The following SLC27A6 variants were observed in gnomAD, a reference collection of about 807,000 sequenced individuals.
SLC27A6 encodes long-chain fatty acid transport protein 6.
In SLC27A6, 74 loss-of-function variants were observed where a neutral mutation model predicts 63.9. The observed-to-expected ratio is 1.16, with a 90% CI of 0.96 to 1.40. The LOEUF (loss-of-function observed/expected upper bound fraction) is 1.40. Among genes scored for constraint, SLC27A6 ranks in the 40% most tolerant of loss-of-function variants. The probability of loss-of-function intolerance (pLI) is 0.00; values close to 1 mark genes in which losing one functional copy is unlikely to be tolerated. For synonymous variants in SLC27A6, 287 were observed against 260.8 expected (o/e 1.10, Z -0.97); for missense variants, 794 against 732.9 (o/e 1.08, Z -0.96).
chr5:128,969,298 A>G (rs1268298365), intron 1 of SLC27A6, among the ~76,000 whole-genome samples: 1 of 151,974 alleles, frequency 6.6e-6, no homozygotes, highest in Admixed American at 6.6e-5. Flanking sequence ...CAATTCTGTG[A>G]AGAAAGTCAT....
Position 128,966,552 on chromosome 5 carries a change from AT to A in SLC27A6, c.417del (p.Arg140AlafsTer6). 1 of 1,577,348 alleles carries A rather than the reference AT, an allele frequency of 6.3e-7. No individual in the cohort carries two copies. The highest frequency in any genetic ancestry group is 8.6e-7 in the Non-Finnish European group (1 of 1,166,032). On this transcript the variant is annotated frameshift_variant, in exon 1 of 10. Transcript: ENST00000262462. LOFTEE classifies it high-confidence loss of function. ...GCVVAFLNTN[I>X]RSNSLLNCIR... is the part of the protein sequence containing the mutation. ...CGTGGTGGCCTTTCTCAACACCAAC[AT>A]TCGCTCCAACTCCCTCCTGAATTGC...
chr5:129,005,993 C>T lies in SLC27A6; in HGVS notation c.970-9892C>T, dbSNP rs576777888. On this transcript the variant is annotated intron_variant, in intron 4 of 9. Transcript: ENST00000262462. ...TTGGGCCCCTGCAGGCTGTAGTTTGCCAATACCTAATTTAGACTTTATGAT... is the reference window on the plus strand; with the variant it reads ...TTGGGCCCCTGCAGGCTGTAGTTTGTCAATACCTAATTTAGACTTTATGAT... Among the ~76,000 whole-genome samples, 64 of 150,754 alleles carry T rather than the reference C, an allele frequency of 4.2e-4. 1 individual carries two copies. Among genetic ancestry groups the T allele is most frequent in the Non-Finnish European group, 8.7e-4 (59 of 67,858 alleles).
intron 1 of SLC27A6, among the ~76,000 whole-genome samples, chr5:128,967,682 A>C (rs1047543734): frequency 1.4e-4 from 22 of 152,194 alleles, no homozygotes; most frequent in Admixed American, 7.9e-4. Flanking sequence ...TAGCCCTTCA[A>C]GGCTATCACT....
intron 4 of SLC27A6, among the ~76,000 whole-genome samples, chr5:129,013,421 G>T (rs1751790688): frequency 1.3e-5 from 2 of 152,036 alleles, no homozygotes; most frequent in African/African-American, 4.8e-5. Flanking sequence ...GCTGAGTATA[G>T]AATGCTAGGT....
At chr5:128,995,576 C>T (rs1171292320) in intron 4 of SLC27A6, among the ~76,000 whole-genome samples, 1 of 152,102 alleles carries the variant, frequency 6.6e-6, no homozygotes, top group Non-Finnish European at 1.5e-5. Context: ...TCAGGGATGG[C>T]TTCACAGAAA....
chr5:128,981,966 A>G (rs1034774921), intron 1 of SLC27A6, among the ~76,000 whole-genome samples: 2 of 151,838 alleles, frequency 1.3e-5, no homozygotes, highest in African/African-American at 4.8e-5. Flanking sequence ...GGTGCCTGCC[A>G]CCACACCCAG....
chr5:128,995,737 C>A (rs1302542658), intron 4 of SLC27A6, among the ~76,000 whole-genome samples: 1 of 152,096 alleles, frequency 6.6e-6, no homozygotes, highest in African/African-American at 2.4e-5. Context: ...GTATGCTGGG[C>A]CATCCATTGA....
chr5:128,984,362 C>A (rs1460854063), intron 1 of SLC27A6, among the ~76,000 whole-genome samples: 1 of 152,192 alleles, frequency 6.6e-6, no homozygotes, highest in Non-Finnish European at 1.5e-5. Context: ...CACTACTCCT[C>A]TCTTGAACAG....
At chr5:129,031,391 T>C (rs77134344) in intron 9 of SLC27A6, among the ~76,000 whole-genome samples, 3,774 of 152,090 alleles carry the variant, frequency 0.025, 165 homozygotes, top group African/African-American at 0.086. Flanking sequence ...GAAGAAGCCT[T>C]TTTGCCAATA....
chr5:128,966,039 A>G lies in SLC27A6; in HGVS notation c.-99A>G. The G allele has an allele frequency of 1.4e-6, 2 of 1,407,700 alleles. No individual in the cohort carries two copies. Among genetic ancestry groups the G allele is most frequent in the South Asian group, 3.2e-5 (2 of 62,562 alleles). The allele number at this position is 1,407,700 out of a possible 1,614,324, so 87.2% of individuals were successfully genotyped here. Reference sequence around the variant, plus strand: ...ACAAGAACTTCAGGTGTAAGCCCTGAGTAGTGAGGATCTGCGGTCTCCGTG... The same window carrying G: ...ACAAGAACTTCAGGTGTAAGCCCTGGGTAGTGAGGATCTGCGGTCTCCGTG... On this transcript the variant is annotated 5_prime_UTR_variant, in exon 1 of 10. Transcript: ENST00000262462.
rs751218781 is a variant in SLC27A6 at position 128,966,133 on chromosome 5, C to CAA, written c.-5_-4insAA. On this transcript the variant is annotated 5_prime_UTR_variant, in exon 1 of 10. Coordinates refer to ENST00000262462, the MANE Select transcript of SLC27A6 (RefSeq NM_001017372.3). Reference sequence around the variant, plus strand: ...TCAGAGCTGTCTTCTGGCCCAGTTGCCCCCATGCTTCTGTCATGGCTAACA... The same window carrying CAA: ...TCAGAGCTGTCTTCTGGCCCAGTTGCAACCCCATGCTTCTGTCATGGCTAACA... 9.1e-4 allele frequency: 1,402 copies of CAA among 1,532,682 alleles called. 15 individuals carry two copies. The African/African-American group carries it at 0.018, about 20-fold the overall frequency. 94.9% of individuals were successfully genotyped at this position (1,532,682 alleles called of 1,614,324 possible).
At chr5:129,020,810 A>G (rs1214507628) in intron 5 of SLC27A6, among the ~76,000 whole-genome samples, 2 of 152,084 alleles carry the variant, frequency 1.3e-5, no homozygotes, top group Non-Finnish European at 2.9e-5. Flanking sequence ...AGGACTCACA[A>G]AACTCAGCTT....
chr5:128,976,716 T>C (rs1240740541), intron 1 of SLC27A6, among the ~76,000 whole-genome samples: 2 of 151,884 alleles, frequency 1.3e-5, no homozygotes, highest in Admixed American at 1.3e-4. Flanking sequence ...TTACTAACAG[T>C]GCAAGGCTGC....
intron 4 of SLC27A6, among the ~76,000 whole-genome samples, chr5:129,009,404 C>CT: frequency 6.6e-6 from 1 of 152,122 alleles, no homozygotes; most frequent in East Asian, 1.9e-4. Flanking sequence ...CACATACTCA[C>CT]TATCCACACA....
intron 3 of SLC27A6, among the ~76,000 whole-genome samples, 191 bp from the exon 4 acceptor site, chr5:128,990,149 A>G (rs924640346): frequency 6.6e-6 from 1 of 152,214 alleles, no homozygotes; most frequent in African/African-American, 2.4e-5. Context: ...TAGAATTACA[A>G]TATTTTAACA....
intron 9 of SLC27A6, among the ~76,000 whole-genome samples, chr5:129,031,290 A>G (rs1260342527): frequency 6.6e-6 from 1 of 152,052 alleles, no homozygotes; most frequent in Admixed American, 6.6e-5. Flanking sequence ...AAATGATCTC[A>G]TAAAAGAAAT....
intron 1 of SLC27A6, among the ~76,000 whole-genome samples, chr5:128,976,179 T>C (rs1033503266): frequency 4.6e-5 from 7 of 152,188 alleles, no homozygotes; most frequent in African/African-American, 1.4e-4. Flanking sequence ...ACATGAGCTA[T>C]GTATTTTATC....
chr5:128,977,205 A>G (rs769464734), intron 1 of SLC27A6, among the ~76,000 whole-genome samples: 21 of 152,248 alleles, frequency 1.4e-4, no homozygotes, highest in Admixed American at 3.3e-4. Context: ...TCCAGATAAT[A>G]AATACTTGTT....
chr5:128,984,923 T>C (rs1367158064), intron 1 of SLC27A6, among the ~76,000 whole-genome samples: 2 of 152,198 alleles, frequency 1.3e-5, no homozygotes, highest in Non-Finnish European at 2.9e-5. Context: ...ACTGCTTGCA[T>C]TGGTCTGTCA....
Sources: gnomAD v4.1 joint callset for allele counts (sites outside exome capture counted in the v4.1 genomes callset) on GRCh38, gnomAD v4.1.1 for gene constraint, MANE v1.5 for transcripts, NCBI Gene and HGNC (gene_info 2026-07-23, HGNC 2026-07-21) for gene names.